Variants in LDLRAD4 observed in about 807,000 individuals in gnomAD.
LDLRAD4 encodes low-density lipoprotein receptor class A domain-containing protein 4.
A neutral mutation model predicts 17.0 loss-of-function variants in LDLRAD4; 5 were observed. The observed-to-expected ratio is 0.29, with a 90% confidence interval of 0.15 to 0.62. The LOEUF is 0.62. Among genes scored for constraint, LDLRAD4 ranks in the 20% least tolerant of loss-of-function variants. The pLI, the probability that LDLRAD4 is intolerant of heterozygous loss-of-function variation, is 0.84. For missense variants in LDLRAD4, 340 were observed against 424.7 expected, an observed-to-expected ratio of 0.80 and a Z score of 1.75; for synonymous variants, 168 against 171.8, an observed-to-expected ratio of 0.98 and a Z score of 0.17.
intron 1 of LDLRAD4, among the ~76,000 whole-genome samples, chr18:13,343,838 G>T (rs982975558): frequency 3.3e-5 from 5 of 152,222 alleles, no homozygotes; most frequent in Non-Finnish European, 5.9e-5. Flanking sequence ...GGCCAGTGAT[G>T]ATGAGCATTT....
At chr18:13,544,726 G>A (rs910474212) in intron 3 of LDLRAD4, among the ~76,000 whole-genome samples, 9 of 152,126 alleles carry the variant, frequency 5.9e-5, no homozygotes, top group African/African-American at 1.4e-4. Context: ...GAACACACCC[G>A]TCACCTTTCA....
intron 3 of LDLRAD4, chr18:13,522,048 T>C (rs1233393850): frequency 6.6e-6 from 1 of 151,924 alleles, no homozygotes; most frequent in Admixed American, 6.6e-5. Flanking sequence ...TGCTACTTGT[T>C]GAACATGTTT....
chr18:13,286,694 G>A lies in LDLRAD4; in HGVS notation c.-383+8506G>A, dbSNP rs937452284. ...GAGGAGACAGTGTCATTAGATGCGT[G>A]TTTAGGAAGCTGAGTCTGGTGGCTG... On this transcript the variant is annotated intron_variant, in intron 1 of 5. Coordinates refer to ENST00000359446, the Ensembl canonical transcript of LDLRAD4. Among the ~76,000 whole-genome samples the A allele has an allele frequency of 2.0e-5, 3 of 152,328 alleles. No homozygotes were observed. In the South Asian group the frequency reaches 6.2e-4, roughly 32 times the overall value.
chr18:13,505,961 C>A (rs78065791), intron 3 of LDLRAD4, among the ~76,000 whole-genome samples: 2,752 of 152,288 alleles, frequency 0.018, 89 homozygotes, highest in African/African-American at 0.064. Context: ...GTGAGCAGAG[C>A]AGCCTTCCTG....
At position 13,382,949 on chromosome 18, in the gene LDLRAD4, C is replaced by G. The variant is rs1245458631; in HGVS notation, c.-382-4392C>G. Among the ~76,000 whole-genome samples the G allele has an allele frequency of 3.3e-5, 5 of 152,238 alleles. 1 individual carries two copies. The highest frequency in any genetic ancestry group is 5.9e-5 in the Non-Finnish European group (4 of 68,050). Reference sequence around the variant, plus strand: ...CTCTGTAGCCTGAGGGCATTTAAGTCAATGACCTCTGAAGGCCTTTGCTGG... The same window carrying G: ...CTCTGTAGCCTGAGGGCATTTAAGTGAATGACCTCTGAAGGCCTTTGCTGG... On this transcript the variant is annotated intron_variant, in intron 1 of 5. Coordinates refer to ENST00000359446, the Ensembl canonical transcript of LDLRAD4.
At chr18:13,524,101 C>T (rs1487744572) in intron 3 of LDLRAD4, among the ~76,000 whole-genome samples, 4 of 152,226 alleles carry the variant, frequency 2.6e-5, no homozygotes, top group Non-Finnish European at 5.9e-5. Flanking sequence ...CTGTCAGCAC[C>T]TCGGTCTTCC....
At chr18:13,324,591 G>A (rs1345369403) in intron 1 of LDLRAD4, among the ~76,000 whole-genome samples, 1 of 152,148 alleles carries the variant, frequency 6.6e-6, no homozygotes, top group Admixed American at 6.5e-5. Flanking sequence ...GCAGGAGCAC[G>A]TTGACTCTGA....
intron 1 of LDLRAD4, among the ~76,000 whole-genome samples, chr18:13,258,934 G>T (rs983397708): frequency 1.3e-5 from 2 of 152,204 alleles, no homozygotes; most frequent in African/African-American, 4.8e-5. Flanking sequence ...GAATGGCCAA[G>T]TGCTGCTGCT....
Position 13,645,004 on chromosome 18 carries a change from TCCTGGGAG to T in LDLRAD4, c.391-122_391-115del. On this transcript the variant is annotated intron_variant, in intron 5 of 5. Transcript: ENST00000359446. The surrounding 1 kb of genome is among the most constrained non-coding windows in gnomAD (Gnocchi z 5.7). ...GATTTTCCTGTTTTCTTTTTTTTTTTCCTGGGAGATGGTGTTCAAACTGGTAGGAACAC... is the reference window on the plus strand; with the variant it reads ...GATTTTCCTGTTTTCTTTTTTTTTTTATGGTGTTCAAACTGGTAGGAACAC... 1.4e-6 allele frequency: 1 copy of T among 730,420 alleles called. No homozygotes were observed. The highest frequency in any genetic ancestry group is 1.9e-5 in the African/African-American group (1 of 53,308). 45.2% of individuals were successfully genotyped at this position (730,420 alleles called of 1,614,324 possible). A position where few individuals can be genotyped will look rare whatever the true frequency, so the allele number is the denominator to read the frequency against.
chr18:13,490,989 AAT>A (rs2093346993), intron 3 of LDLRAD4, among the ~76,000 whole-genome samples: 2 of 152,184 alleles, frequency 1.3e-5, no homozygotes, highest in African/African-American at 4.8e-5. Context: ...CCTCAGAGTG[AAT>A]CACTGGGCTG....
At chr18:13,281,024 A>T (rs1325197081) in intron 1 of LDLRAD4, among the ~76,000 whole-genome samples, 2 of 152,226 alleles carry the variant, frequency 1.3e-5, no homozygotes, top group Non-Finnish European at 2.9e-5. Flanking sequence ...CTACACTGGT[A>T]AATAGAGTCC....
intron 3 of LDLRAD4, among the ~76,000 whole-genome samples, chr18:13,565,659 G>A (rs2094591063): frequency 6.6e-6 from 1 of 152,194 alleles, no homozygotes. Context: ...AGACAAAAGG[G>A]TTCTATTGTG....
chr18:13,529,713 C>T (rs951181439), intron 3 of LDLRAD4, among the ~76,000 whole-genome samples: 5 of 152,216 alleles, frequency 3.3e-5, no homozygotes, highest in Non-Finnish European at 7.3e-5. Flanking sequence ...GCGATCCTAT[C>T]CTTTCTCTGA....
chr18:13,304,785 A>C (rs1381022359), intron 1 of LDLRAD4, among the ~76,000 whole-genome samples: 1 of 152,220 alleles, frequency 6.6e-6, no homozygotes, highest in Non-Finnish European at 1.5e-5. Flanking sequence ...TGAAGATGGG[A>C]GACTGCTAAA....
At chr18:13,441,917 A>G (rs984373310) in intron 3 of LDLRAD4, among the ~76,000 whole-genome samples, 3 of 152,138 alleles carry the variant, frequency 2.0e-5, no homozygotes, top group Non-Finnish European at 2.9e-5. Context: ...TTTTGCATGG[A>G]CGTGGAGGTC....
intron 3 of LDLRAD4, among the ~76,000 whole-genome samples, chr18:13,502,152 CTGAT>C (rs1408827142): frequency 2.0e-5 from 3 of 152,246 alleles, no homozygotes; most frequent in African/African-American, 7.2e-5. Flanking sequence ...TTCAGCTGCT[CTGAT>C]TGTCAGCTCT....
At chr18:13,554,492 T>C (rs1379019467) in intron 3 of LDLRAD4, among the ~76,000 whole-genome samples, 1 of 152,074 alleles carries the variant, frequency 6.6e-6, no homozygotes, top group Non-Finnish European at 1.5e-5. Context: ...TGTAGTCAGG[T>C]CTCATGTGTA....
intron 4 of LDLRAD4, among the ~76,000 whole-genome samples, chr18:13,630,325 C>T (rs927118197): frequency 2.0e-5 from 3 of 152,108 alleles, no homozygotes; most frequent in Admixed American, 6.6e-5. Context: ...GCCAGGGGTA[C>T]TGGCCTCACA....
chr18:13,512,365 T>C (rs1371165199), intron 3 of LDLRAD4, among the ~76,000 whole-genome samples: 1 of 152,212 alleles, frequency 6.6e-6, no homozygotes, highest in Non-Finnish European at 1.5e-5. Context: ...GGGACAACTT[T>C]GTAAGAAAAT....
Sources: gnomAD v4.1 joint callset for allele counts (sites outside exome capture counted in the v4.1 genomes callset) on GRCh38, gnomAD v4.1.1 for gene constraint, Gnocchi (gnomAD v3.1) non-coding constraint, MANE v1.5 for transcripts, NCBI Gene and HGNC (gene_info 2026-07-23, HGNC 2026-07-21) for gene names.